Variants in PHKB observed in about 807,000 individuals in gnomAD.
The protein encoded by PHKB is phosphorylase kinase regulatory subunit beta.
A neutral mutation model predicts 152.1 loss-of-function variants in PHKB; 122 were observed. The ratio of observed to expected loss-of-function variants is 0.80; its 90% CI spans 0.69 to 0.93. PHKB has a LOEUF of 0.93. Among genes scored for constraint, PHKB ranks in the 40% least tolerant of loss-of-function variants. The probability of loss-of-function intolerance (pLI) is 0.00; values close to 1 mark genes in which losing one functional copy is unlikely to be tolerated. For missense variants in PHKB, 1,304 were observed against 1,328.4 expected, an observed-to-expected ratio of 0.98 and a Z score of 0.29; for synonymous variants, 436 against 464.9, an observed-to-expected ratio of 0.94 and a Z score of 0.80.
intron 6 of PHKB, among the ~76,000 whole-genome samples, chr16:47,527,706 G>C (rs922540082): frequency 6.6e-6 from 1 of 152,216 alleles, no homozygotes; most frequent in Non-Finnish European, 1.5e-5. Flanking sequence ...TATAAACATA[G>C]TGTTTTAAAG....
At chr16:47,535,603 CTG>C (rs1204465790) in intron 6 of PHKB, among the ~76,000 whole-genome samples, 1 of 152,158 alleles carries the variant, frequency 6.6e-6, no homozygotes, top group Non-Finnish European at 1.5e-5. Flanking sequence ...TGAACTAAAA[CTG>C]TATTTTATAC....
At chr16:47,649,014 T>G in intron 17 of PHKB, 86 bp from the exon 18 acceptor site, 1 of 790,460 alleles carries the variant, frequency 1.3e-6, no homozygotes, top group Non-Finnish European at 2.3e-6. Context: ...AGACATCAGT[T>G]TTTATTTTTA....
chr16:47,464,907 A>G (rs989173387), intron 1 of PHKB, among the ~76,000 whole-genome samples: 3 of 152,244 alleles, frequency 2.0e-5, no homozygotes, highest in Non-Finnish European at 4.4e-5. Context: ...GGACTCATGA[A>G]CAGGCAAATG....
chr16:47,586,751 T>C (rs1971941309), intron 8 of PHKB, among the ~76,000 whole-genome samples: 1 of 152,240 alleles, frequency 6.6e-6, no homozygotes, highest in Admixed American at 6.5e-5. Context: ...TGTATTTTTC[T>C]GAGTATTCTC....
chr16:47,464,636 AC>A (rs1969635621), intron 1 of PHKB, among the ~76,000 whole-genome samples: 1 of 152,132 alleles, frequency 6.6e-6, no homozygotes, highest in African/African-American at 2.4e-5. Context: ...TGATTCATGG[AC>A]CCAGACATGA....
intron 26 of PHKB, among the ~76,000 whole-genome samples, chr16:47,673,163 A>C (rs956300572): frequency 1.3e-5 from 2 of 151,592 alleles, no homozygotes; most frequent in African/African-American, 4.9e-5. Flanking sequence ...TTATTTATTT[A>C]AGAAATTTCC....
chr16:47,474,291 T>C (rs1969831086), intron 1 of PHKB, among the ~76,000 whole-genome samples: 1 of 152,224 alleles, frequency 6.6e-6, no homozygotes, highest in Non-Finnish European at 1.5e-5. Flanking sequence ...GATTCAAGTC[T>C]TGTAGCTCAG....
intron 27 of PHKB, among the ~76,000 whole-genome samples, chr16:47,690,428 C>T (rs528301930): frequency 1.8e-3 from 276 of 152,228 alleles, no homozygotes; most frequent in Middle Eastern, 0.017. Context: ...TTAAAAACAA[C>T]ACTTTGTATG....
chr16:47,697,443 C>T lies in PHKB; in HGVS notation c.3003+955C>T, dbSNP rs76018738. ...CATGTCTAGTACCCAGCATCTGGGA[C>T]ATATAGTAGACATAGAGATCCTTCT... On this transcript the variant is annotated intron_variant, in intron 29 of 30. Transcript: ENST00000323584. Among the ~76,000 whole-genome samples, 1,300 of 152,326 alleles carry T rather than the reference C, an allele frequency of 8.5e-3. 19 individuals carry two copies. Among genetic ancestry groups the T allele is most frequent in the African/African-American group, 0.029 (1,218 of 41,576 alleles).
intron 6 of PHKB, among the ~76,000 whole-genome samples, chr16:47,526,067 A>G (rs1295254096): frequency 1.3e-5 from 2 of 152,142 alleles, no homozygotes; most frequent in African/African-American, 2.4e-5. Flanking sequence ...CTGCTACTCA[A>G]GAAGAACTAA....
chr16:47,613,859 G>A (rs1030158685), intron 14 of PHKB, among the ~76,000 whole-genome samples: 17 of 152,070 alleles, frequency 1.1e-4, no homozygotes, highest in African/African-American at 4.1e-4. Flanking sequence ...AAATTGAACT[G>A]TACCTAACCT....
intron 1 of PHKB, among the ~76,000 whole-genome samples, chr16:47,480,932 C>T (rs1239855652): frequency 2.6e-5 from 4 of 152,018 alleles, no homozygotes; most frequent in African/African-American, 9.7e-5. Flanking sequence ...TGAATTAGAA[C>T]TTAAAGAATG....
chr16:47,595,513 C>T (rs906455952), intron 12 of PHKB, among the ~76,000 whole-genome samples: 1 of 152,054 alleles, frequency 6.6e-6, no homozygotes, highest in Non-Finnish European at 1.5e-5. Context: ...TAAATGGTCA[C>T]GGGGGAGATG....
intron 14 of PHKB, among the ~76,000 whole-genome samples, chr16:47,620,727 A>G (rs1226296740): frequency 6.6e-6 from 1 of 152,098 alleles, no homozygotes; most frequent in African/African-American, 2.4e-5. Context: ...TACAAAAATT[A>G]GCCAGGTGTG....
intron 24 of PHKB, 113 bp downstream of exon 24, chr16:47,663,847 A>G (rs1973488364): frequency 1.3e-6 from 1 of 748,902 alleles, no homozygotes; most frequent in South Asian, 1.5e-5. Context: ...TTTACTTTTA[A>G]CCTCCAAGGT....
At chr16:47,593,434 T>C in intron 10 of PHKB, 66 bp from the exon 11 acceptor site, 1 of 882,708 alleles carries the variant, frequency 1.1e-6, no homozygotes, top group South Asian at 1.4e-5. Context: ...AGTGAGATCT[T>C]GTCTCAAAAT....
intron 16 of PHKB, among the ~76,000 whole-genome samples, chr16:47,645,137 C>G (rs185623108): frequency 5.5e-4 from 83 of 151,836 alleles, no homozygotes; most frequent in African/African-American, 1.8e-3. Flanking sequence ...GAGTAGGTTG[C>G]GAAAATTTTC....
chr16:47,614,539 T>C (rs1972483799), intron 14 of PHKB, among the ~76,000 whole-genome samples: 1 of 152,238 alleles, frequency 6.6e-6, no homozygotes, highest in African/African-American at 2.4e-5. Context: ...TTTTAAGTTT[T>C]CATTAGTTGG....
At chr16:47,490,665 A>G (rs1437344945) in intron 1 of PHKB, among the ~76,000 whole-genome samples, 1 of 152,226 alleles carries the variant, frequency 6.6e-6, no homozygotes, top group African/African-American at 2.4e-5. Flanking sequence ...GAGGATTAAC[A>G]CACTTGATGT....
Sources: allele counts gnomAD v4.1 joint callset (sites outside exome capture counted in the v4.1 genomes callset), GRCh38; gene constraint gnomAD v4.1.1; transcripts MANE v1.5; gene names NCBI Gene and HGNC (gene_info 2026-07-23, HGNC 2026-07-21).